The following CDH13 variants were observed in gnomAD, a reference collection of about 807,000 sequenced individuals.
CDH13 encodes cadherin 13.
A neutral mutation model predicts 63.8 loss-of-function variants in CDH13; 24 were observed. That is an observed-to-expected ratio of 0.38 (90% CI 0.27 to 0.53). The LOEUF is 0.53. CDH13 is among the 20% of genes least tolerant of loss of function. The pLI, the probability that CDH13 is intolerant of heterozygous loss-of-function variation, is 0.85. For synonymous variants in CDH13, 503 were observed against 355.3 expected (o/e 1.42, Z -4.67); for missense variants, 1,049 against 903.1 (o/e 1.16, Z -2.07).
At chr16:83,225,981 G>T (rs958208517) in intron 5 of CDH13, among the ~76,000 whole-genome samples, 1 of 152,188 alleles carries the variant, frequency 6.6e-6, no homozygotes, top group Non-Finnish European at 1.5e-5. Context: ...TTCACTCTGA[G>T]CAAACATCTG....
At chr16:82,947,118 G>A (rs1191503520) in intron 2 of CDH13, among the ~76,000 whole-genome samples, 1 of 151,466 alleles carries the variant, frequency 6.6e-6, no homozygotes, top group African/African-American at 2.4e-5. Context: ...ATGCTAGCTA[G>A]TTGATGTCAG....
chr16:83,542,045 G>C (rs2075304935), intron 7 of CDH13, among the ~76,000 whole-genome samples: 1 of 152,162 alleles, frequency 6.6e-6, no homozygotes, highest in Admixed American at 6.5e-5. Context: ...TTACAGTGTA[G>C]GCCATGGGCC....
chr16:83,101,243 A>G (rs1025727149), intron 3 of CDH13, among the ~76,000 whole-genome samples: 3 of 150,606 alleles, frequency 2.0e-5, no homozygotes, highest in African/African-American at 4.9e-5. Flanking sequence ...ACTATATACT[A>G]TAAGTATATA....
At chr16:82,638,823 T>TGTGCGCGCGC (rs139451683) in intron 1 of CDH13, among the ~76,000 whole-genome samples, 2 of 150,790 alleles carry the variant, frequency 1.3e-5, no homozygotes, top group African/African-American at 4.9e-5. Context: ...GGGCAGTGTG[T>TGTGCGCGCGC]GCGTGTGTGC....
At chr16:83,384,621 G>A (rs576511270) in intron 6 of CDH13, among the ~76,000 whole-genome samples, 1 of 152,294 alleles carries the variant, frequency 6.6e-6, no homozygotes, top group Non-Finnish European at 1.5e-5. Context: ...TGGTCACTCT[G>A]GCACTTGCAT....
At chr16:83,430,822 CT>C (rs764532961) in intron 6 of CDH13, among the ~76,000 whole-genome samples, 48 of 149,226 alleles carry the variant, frequency 3.2e-4, no homozygotes, top group Admixed American at 1.3e-3. Context: ...CACACCAGTT[CT>C]TTTTTTTTTA....
At chr16:83,194,314 C>T (rs1412876516) in intron 4 of CDH13, among the ~76,000 whole-genome samples, 6 of 152,278 alleles carry the variant, frequency 3.9e-5, no homozygotes, top group South Asian at 2.1e-4. Flanking sequence ...AGGATGATCA[C>T]GCTTGCTGTT....
chr16:83,463,293 GTAAAGTA>G (rs2073226360), intron 6 of CDH13, among the ~76,000 whole-genome samples: 1 of 152,222 alleles, frequency 6.6e-6, no homozygotes, highest in Non-Finnish European at 1.5e-5. Flanking sequence ...TGCTGTCATA[GTAAAGTA>G]CCCAAAATGC....
intron 3 of CDH13, among the ~76,000 whole-genome samples, chr16:83,074,497 C>T (rs995339570): frequency 2.0e-5 from 3 of 152,116 alleles, no homozygotes; most frequent in Non-Finnish European, 4.4e-5. Context: ...ATTTTCTTTC[C>T]TTGGTATAAA....
At chr16:82,960,651 G>A (rs148484427) in intron 2 of CDH13, among the ~76,000 whole-genome samples, 1 of 152,192 alleles carries the variant, frequency 6.6e-6, no homozygotes, top group African/African-American at 2.4e-5. Context: ...GGTATAGCAG[G>A]TACGGTAACC....
At chr16:83,476,346 T>G (rs992332583) in intron 6 of CDH13, among the ~76,000 whole-genome samples, 4 of 152,188 alleles carry the variant, frequency 2.6e-5, no homozygotes, top group African/African-American at 9.7e-5. Context: ...TGAAAACCAC[T>G]GCTGTAAAAA....
intron 7 of CDH13, chr16:83,508,201 C>T (rs1156291906): frequency 1.3e-5 from 2 of 151,518 alleles, no homozygotes; most frequent in African/African-American, 4.9e-5. Flanking sequence ...GAAGGGAATA[C>T]ATTTAATAAA....
chr16:82,804,597 T>C (rs1369552595), intron 1 of CDH13, among the ~76,000 whole-genome samples: 2 of 152,194 alleles, frequency 1.3e-5, no homozygotes, highest in Non-Finnish European at 2.9e-5. Context: ...TGAAAAATAG[T>C]GGATTTAATA....
chr16:83,149,138 G>A (rs1262632433), intron 4 of CDH13, among the ~76,000 whole-genome samples: 1 of 152,164 alleles, frequency 6.6e-6, no homozygotes, highest in Non-Finnish European at 1.5e-5. Flanking sequence ...CTATGGTAAG[G>A]TTGGAATTAC....
chr16:83,584,762 T>C (rs1024675139), intron 7 of CDH13, among the ~76,000 whole-genome samples: 1 of 152,244 alleles, frequency 6.6e-6, no homozygotes, highest in Non-Finnish European at 1.5e-5. Flanking sequence ...ACAGGTTTAA[T>C]TGGCCCATGG....
chr16:83,171,417 T>G, intron 4 of CDH13: 1 of 954,632 alleles, frequency 1.0e-6, no homozygotes. Context: ...CAGTTGAACA[T>G]GAGATTTGGG....
At chr16:82,868,999 T>A (rs12103389) in intron 2 of CDH13, among the ~76,000 whole-genome samples, 1 of 152,194 alleles carries the variant, frequency 6.6e-6, no homozygotes, top group East Asian at 1.9e-4. Context: ...ACAGTCTGTT[T>A]TGAGGGCTAA....
At chr16:83,157,649 C>T (rs1295054671) in intron 4 of CDH13, among the ~76,000 whole-genome samples, 1 of 150,822 alleles carries the variant, frequency 6.6e-6, no homozygotes, top group African/African-American at 2.4e-5. Flanking sequence ...CATCCCAGCG[C>T]TTTGGGAGGC....
At chr16:83,378,427 G>A (rs1192372504) in intron 6 of CDH13, among the ~76,000 whole-genome samples, 3 of 152,084 alleles carry the variant, frequency 2.0e-5, no homozygotes, top group Non-Finnish European at 4.4e-5. Flanking sequence ...CTCTCATCGG[G>A]ACATTATTAT....
Sources: gnomAD v4.1 joint callset for allele counts (sites outside exome capture counted in the v4.1 genomes callset) on GRCh38, gnomAD v4.1.1 for gene constraint, MANE v1.5 for transcripts, NCBI Gene and HGNC (gene_info 2026-07-23, HGNC 2026-07-21) for gene names.